The following NRXN3 variants were observed in gnomAD, a reference collection of about 807,000 sequenced individuals.
NRXN3 encodes neurexin III.
Under a neutral mutation model 137.6 loss-of-function variants are expected in NRXN3, and 32 were observed. The observed-to-expected ratio is 0.23, with a 90% CI of 0.18 to 0.31. The LOEUF (loss-of-function observed/expected upper bound fraction) is 0.31. Among genes scored for constraint, NRXN3 ranks in the 10% least tolerant of loss-of-function variants. The pLI is 1.00. For synonymous variants in NRXN3, 798 were observed against 784.5 expected (o/e 1.02, Z -0.29); for missense variants, 1,574 against 2,062.5 (o/e 0.76, Z 4.59).
intron 6 of NRXN3, among the ~76,000 whole-genome samples, chr14:78,685,768 G>T (rs1363585369): frequency 1.1e-4 from 16 of 149,822 alleles, no homozygotes; most frequent in African/African-American, 3.9e-4. Flanking sequence ...GAGTAGCTGG[G>T]ATTACAGGCA....
chr14:79,026,338 G>C (rs150483498), intron 15 of NRXN3, among the ~76,000 whole-genome samples: 1 of 152,196 alleles, frequency 6.6e-6, no homozygotes, highest in African/African-American at 2.4e-5. Context: ...TTCTGAGACA[G>C]ATTTCCTCAT....
intron 4 of NRXN3, among the ~76,000 whole-genome samples, chr14:78,464,677 GA>G (rs2095043935): frequency 6.6e-6 from 1 of 152,182 alleles, no homozygotes; most frequent in Admixed American, 6.5e-5. Context: ...AAAACAGCAT[GA>G]AGAGTAAAAT....
At chr14:78,647,514 C>G (rs114611235) in intron 5 of NRXN3, among the ~76,000 whole-genome samples, 1,624 of 152,318 alleles carry the variant, frequency 0.011, 25 homozygotes, top group African/African-American at 0.036. Context: ...ACAGGCTGAG[C>G]TTTCTGTTTC....
chr14:78,991,658 T>A (rs112131580), intron 15 of NRXN3, among the ~76,000 whole-genome samples: 1 of 152,218 alleles, frequency 6.6e-6, no homozygotes, highest in African/African-American at 2.4e-5. Context: ...AAATCCATCA[T>A]GTGTAAAAAA....
At chr14:79,539,710 C>A (rs770627411) in intron 16 of NRXN3, among the ~76,000 whole-genome samples, 8 of 152,066 alleles carry the variant, frequency 5.3e-5, no homozygotes, top group Non-Finnish European at 8.8e-5. Context: ...GCTAGAAATT[C>A]CTCATTATAA....
At chr14:78,854,082 T>C (rs1218361283) in intron 10 of NRXN3, among the ~76,000 whole-genome samples, 1 of 152,202 alleles carries the variant, frequency 6.6e-6, no homozygotes, top group Non-Finnish European at 1.5e-5. Context: ...AACCTTTAAT[T>C]ATACCTGTTG....
intron 15 of NRXN3, among the ~76,000 whole-genome samples, chr14:79,078,007 T>C (rs1322058888): frequency 6.6e-6 from 1 of 152,150 alleles, no homozygotes; most frequent in African/African-American, 2.4e-5. Context: ...TATGTAGAAA[T>C]TCCAATAAAG....
rs1288239211 is a variant in NRXN3 at position 79,011,006 on chromosome 14, C to T, written c.3262+22865C>T. ...CAGAGAACGTCTAGATGGTCAGGAA[C>T]TCTAGTCATGGCGATGCTAGTTACT... On this transcript the variant is annotated intron_variant, in intron 15 of 20. Transcript: ENST00000335750. Among the ~76,000 whole-genome samples the T allele has an allele frequency of 7.2e-5, 11 of 152,210 alleles. No homozygotes were observed. The South Asian group carries it at 2.3e-3, about 32-fold the overall frequency.
At chr14:79,680,504 GGTTT>G (rs925767024) in intron 17 of NRXN3, among the ~76,000 whole-genome samples, 2 of 151,856 alleles carry the variant, frequency 1.3e-5, no homozygotes, top group African/African-American at 4.8e-5. Flanking sequence ...TGAGAGTTTT[GGTTT>G]GTTTCTATTG....
intron 15 of NRXN3, among the ~76,000 whole-genome samples, chr14:79,260,789 C>T (rs1398410129): frequency 6.6e-6 from 1 of 152,180 alleles, no homozygotes; most frequent in African/African-American, 2.4e-5. Context: ...CTTTCCAGAA[C>T]TCAAACACCT....
intron 2 of NRXN3, among the ~76,000 whole-genome samples, chr14:78,255,014 G>T (rs2069305373): frequency 6.6e-6 from 1 of 151,984 alleles, no homozygotes; most frequent in African/African-American, 2.4e-5. Flanking sequence ...GTCTCCCAGG[G>T]AAAGGGCTTA....
intron 10 of NRXN3, among the ~76,000 whole-genome samples, chr14:78,874,451 A>G (rs1428491214): frequency 6.6e-6 from 1 of 152,084 alleles, no homozygotes; most frequent in Admixed American, 6.6e-5. Context: ...TATCAGGGAA[A>G]ATTTTCAACC....
intron 11 of NRXN3, among the ~76,000 whole-genome samples, chr14:78,965,704 A>C (rs952568346): frequency 6.6e-6 from 1 of 152,162 alleles, no homozygotes; most frequent in Non-Finnish European, 1.5e-5. Context: ...CTTTCTTCTT[A>C]TAGTGTGTAT....
chr14:78,374,249 G>T (rs1288707027), intron 4 of NRXN3, among the ~76,000 whole-genome samples: 3 of 152,126 alleles, frequency 2.0e-5, no homozygotes, highest in South Asian at 2.1e-4. Context: ...AAGTGTTTAT[G>T]TGCCTAAGTG....
At chr14:79,500,000 C>T (rs998397640) in intron 16 of NRXN3, among the ~76,000 whole-genome samples, 12 of 134,854 alleles carry the variant, frequency 8.9e-5, no homozygotes, top group Admixed American at 3.8e-4. Context: ...TGTTAAAGGA[C>T]GAATAAAGTA....
At chr14:78,668,192 T>C (rs1293385382) in intron 6 of NRXN3, among the ~76,000 whole-genome samples, 1 of 152,224 alleles carries the variant, frequency 6.6e-6, no homozygotes, top group African/African-American at 2.4e-5. Flanking sequence ...TAAAATTGGG[T>C]ATTGCTTGAT....
chr14:78,865,114 A>G lies in NRXN3; in HGVS notation c.2275+54770A>G, dbSNP rs553295150. ...AGGTAAGCTGATCAATCTTTCATCC[A>G]TGGCACTCATTAATGTCTCAATTTG... is the stretch of plus-strand genomic sequence containing the variant. On this transcript the variant is annotated intron_variant, in intron 10 of 20. Coordinates refer to ENST00000335750, the MANE Select transcript of NRXN3 (RefSeq NM_001330195.2). 2.0e-5 allele frequency among the ~76,000 whole-genome samples: 3 copies of G among 152,272 alleles called. No individual in the cohort carries two copies. In the East Asian group the frequency reaches 5.8e-4, roughly 29 times the overall value.
chr14:78,599,123 A>G (rs573287377), intron 4 of NRXN3, among the ~76,000 whole-genome samples: 8 of 152,382 alleles, frequency 5.2e-5, no homozygotes, highest in African/African-American at 1.7e-4. Flanking sequence ...TCAGTTTACT[A>G]TATCAGCTTC....
chr14:79,771,259 T>G (rs1226558047), intron 19 of NRXN3, among the ~76,000 whole-genome samples: 3 of 152,154 alleles, frequency 2.0e-5, no homozygotes, highest in African/African-American at 7.2e-5. Flanking sequence ...GAGGGAATCC[T>G]CCCTAACTCA....
Sources: allele counts gnomAD v4.1 joint callset (sites outside exome capture counted in the v4.1 genomes callset), GRCh38; gene constraint gnomAD v4.1.1; transcripts MANE v1.5; gene names NCBI Gene and HGNC (gene_info 2026-07-23, HGNC 2026-07-21).